LARGE1: variants seen among roughly 807,000 people sequenced by gnomAD.
The protein encoded by LARGE1 is xylosyl- and glucuronyltransferase LARGE1.
A neutral mutation model predicts 87.6 loss-of-function variants in LARGE1; 43 were observed. The ratio of observed to expected loss-of-function variants is 0.49; its 90% CI spans 0.38 to 0.63. The LOEUF (loss-of-function observed/expected upper bound fraction) is 0.63, where lower values mean the gene tolerates loss of function less well. Ranked by LOEUF, LARGE1 falls within the 30% of genes least tolerant of loss-of-function variation. The pLI, the probability that LARGE1 is intolerant of heterozygous loss-of-function variation, is 0.00. For missense variants in LARGE1, 802 were observed against 1,000.2 expected (o/e 0.80, Z 2.67); for synonymous variants, 434 against 394.6 (o/e 1.10, Z -1.18).
chr22:33,099,267 TC>T, the LARGE1 span, among the ~76,000 whole-genome samples: 152,237 of 152,242 alleles, frequency 1, 76,116 homozygotes, highest in Middle Eastern at 1. Flanking sequence ...AATTAATTTT[TC>T]TTGAGAGGGA....
chr22:33,517,176 C>A (rs1471845584), intron 6 of LARGE1, among the ~76,000 whole-genome samples: 1 of 152,082 alleles, frequency 6.6e-6, no homozygotes, highest in African/African-American at 2.4e-5. Context: ...GAGCTATACA[C>A]CTGAGCCACT....
intron 1 of LARGE1, among the ~76,000 whole-genome samples, chr22:33,809,771 C>T (rs1372165099): frequency 6.6e-6 from 1 of 151,970 alleles, no homozygotes; most frequent in African/African-American, 2.4e-5. Context: ...GTTTTCCATA[C>T]TAAATATTCA....
chr22:33,112,766 T>C, the LARGE1 span, among the ~76,000 whole-genome samples: 1 of 152,150 alleles, frequency 6.6e-6, no homozygotes. Context: ...TGGAGTCCTT[T>C]TGAAGAGGGT....
In LARGE1 at chr22:33,689,827, T is replaced by C. The variant is rs5999061; in HGVS notation, c.107-39159A>G. Among the ~76,000 whole-genome samples the C allele has an allele frequency of 7.5e-4, 114 of 152,034 alleles. 1 individual carries two copies. The highest frequency in any genetic ancestry group is 2.5e-3 in the African/African-American group (105 of 41,436). ...CTGTAATCCCAGCTACTCGGGAGGC[T>C]GAGGCAGAAGAATCGCTTGAACCTG... On this transcript the variant is annotated intron_variant, in intron 2 of 14. Transcript: ENST00000397394.
chr22:33,402,918 T>A (rs1023657558), intron 7 of LARGE1, among the ~76,000 whole-genome samples: 3 of 152,106 alleles, frequency 2.0e-5, no homozygotes, highest in South Asian at 2.1e-4. Context: ...CACAGAAAGA[T>A]CGAGTAAGCA....
intron 1 of LARGE1, among the ~76,000 whole-genome samples, chr22:33,888,781 C>A (rs1290980806): frequency 6.6e-6 from 1 of 152,022 alleles, no homozygotes; most frequent in African/African-American, 2.4e-5. Context: ...CGCTTGAACC[C>A]AGGAGGCAGA....
Position 33,564,840 on chromosome 22 carries a change from A to T in LARGE1, c.787+8T>A, listed in dbSNP as rs2077975261. The T allele has an allele frequency of 6.2e-7, 1 of 1,614,032 alleles. No individual in the cohort carries two copies. Among genetic ancestry groups the T allele is most frequent in the Non-Finnish European group, 8.5e-7 (1 of 1,180,018 alleles). On this transcript the variant is annotated splice_region_variant and intron_variant, in intron 6 of 14. Coordinates refer to ENST00000397394, the MANE Select transcript of LARGE1 (RefSeq NM_133642.5). ...ATATCGGGGAAAAAACGAATGGGCT[A>T]CCATTACCTTTGAACTTGTGGAACA...
At chr22:33,685,222 C>T (rs1301114242) in intron 2 of LARGE1, among the ~76,000 whole-genome samples, 1 of 152,164 alleles carries the variant, frequency 6.6e-6, no homozygotes, top group Non-Finnish European at 1.5e-5. Context: ...GGATGAAGTG[C>T]TGAACAAATG....
At chr22:33,866,936 GA>G (rs1216957734) in intron 1 of LARGE1, among the ~76,000 whole-genome samples, 3 of 152,156 alleles carry the variant, frequency 2.0e-5, no homozygotes, top group African/African-American at 7.2e-5. Flanking sequence ...TAAAGGGGTT[GA>G]TTATTGCTTA....
At chr22:33,760,119 C>T (rs933074796) in intron 2 of LARGE1, among the ~76,000 whole-genome samples, 5 of 152,196 alleles carry the variant, frequency 3.3e-5, no homozygotes, top group Non-Finnish European at 7.3e-5. Context: ...ATAAAGGAAA[C>T]GTTTAAAAAC....
intron 1 of LARGE1, among the ~76,000 whole-genome samples, chr22:33,809,098 C>A (rs1045195570): frequency 6.6e-6 from 1 of 152,034 alleles, no homozygotes; most frequent in Non-Finnish European, 1.5e-5. Flanking sequence ...ATGGAGAAAC[C>A]CCATCTCTAC....
At chr22:33,185,789 C>A (rs1923442989) in intron 11 of LARGE1, among the ~76,000 whole-genome samples, 1 of 151,964 alleles carries the variant, frequency 6.6e-6, no homozygotes, top group African/African-American at 2.4e-5. Context: ...ATTGTTAAGT[C>A]CCTTTGAAGA....
chr22:33,325,136 A>G (rs1484332967), intron 10 of LARGE1, among the ~76,000 whole-genome samples: 3 of 152,228 alleles, frequency 2.0e-5, no homozygotes, highest in Non-Finnish European at 1.5e-5. Flanking sequence ...TACAATGCCT[A>G]GTTGGTCAGC....
chr22:33,243,011 T>C lies in LARGE1; in HGVS notation c.1730+61218A>G, dbSNP rs1162784554. Among the ~76,000 whole-genome samples, 7 of 152,306 alleles carry C rather than the reference T, an allele frequency of 4.6e-5. No homozygotes were observed. The East Asian group carries it at 1.2e-3, about 25-fold the overall frequency. ...CCTTTCTATAAGGACATCAGTCACA[T>C]TGGATTGAGTGCTCACCTTTCTCCA... On this transcript the variant is annotated intron_variant, in intron 11 of 11. Coordinates refer to the LARGE1 transcript ENST00000608642.
At chr22:33,572,024 A>G in intron 5 of LARGE1, 1 of 355,502 alleles carries the variant, frequency 2.8e-6, no homozygotes, top group Admixed American at 4.0e-5. Flanking sequence ...TAATTTTCTC[A>G]CCTGTAAAAA....
chr22:33,472,933 A>T (rs951435971), intron 6 of LARGE1, among the ~76,000 whole-genome samples: 3 of 152,112 alleles, frequency 2.0e-5, no homozygotes, highest in African/African-American at 7.2e-5. Context: ...GTCATGTGTA[A>T]AGGAATTCTG....
rs529228958 is a variant in LARGE1 at position 33,208,648 on chromosome 22, G to A, written c.1731-41816C>T. Among the ~76,000 whole-genome samples, 7 of 151,750 alleles carry A rather than the reference G, an allele frequency of 4.6e-5. No individual in the cohort carries two copies. In the South Asian group the frequency reaches 6.2e-4, roughly 14 times the overall value. ...GCAGGTTTGTTACATAGGTATACAC[G>A]TGCCATGGTGGTTTGCTGCACCCAT... is the stretch of plus-strand genomic sequence containing the variant. On this transcript the variant is annotated intron_variant, in intron 11 of 11. Transcript: ENST00000608642.
chr22:33,357,296 A>C (rs887094042), intron 9 of LARGE1, among the ~76,000 whole-genome samples: 2 of 151,748 alleles, frequency 1.3e-5, no homozygotes, highest in African/African-American at 4.8e-5. Context: ...TGGGAGCTAA[A>C]TAGTGAGGGC....
chr22:33,298,193 T>G (rs1052263397), intron 12 of LARGE1, among the ~76,000 whole-genome samples: 12 of 152,094 alleles, frequency 7.9e-5, no homozygotes, highest in Non-Finnish European at 2.9e-5. Context: ...TTTGAGCTCC[T>G]GTATCTCTCA....
Sources: gnomAD v4.1 joint callset for allele counts (sites outside exome capture counted in the v4.1 genomes callset) on GRCh38, gnomAD v4.1.1 for gene constraint, MANE v1.5 for transcripts, NCBI Gene and HGNC (gene_info 2026-07-23, HGNC 2026-07-21) for gene names.